SHBG: variants seen among roughly 807,000 people sequenced by gnomAD.
The protein encoded by SHBG is sex hormone-binding globulin.
In SHBG, 37 loss-of-function variants were observed where a neutral mutation model predicts 41.9. The ratio of observed to expected loss-of-function variants is 0.88; its 90% CI spans 0.68 to 1.16. SHBG has a LOEUF of 1.16. SHBG is among the 50% of genes most tolerant of loss of function. The pLI, the probability that SHBG is intolerant of heterozygous loss-of-function variation, is 0.00. For synonymous variants in SHBG, 217 were observed against 205.8 expected (o/e 1.05, Z -0.47); for missense variants, 466 against 499.9 (o/e 0.93, Z 0.65).
intron 7 of SHBG, 55 bp downstream of exon 7, chr17:7,633,014 G>T: frequency 6.5e-7 from 1 of 1,533,512 alleles, no homozygotes. Flanking sequence ...CAGCTCAAGG[G>T]AGGCGGCACA....
chr17:7,614,203 T>G (rs2071911813), intron 1 of SHBG: 1 of 678,734 alleles, frequency 1.5e-6, no homozygotes, highest in Non-Finnish European at 2.7e-6. Context: ...CCAGGGACAA[T>G]AATGGCCTGA....
chr17:7,619,711 CAAAAAAAAA>C (rs36022075), intron 1 of SHBG, among the ~76,000 whole-genome samples: 1 of 78,010 alleles, frequency 1.3e-5, no homozygotes, highest in Admixed American at 1.4e-4. Context: ...AACTTCGTCT[CAAAAAAAAA>C]AAAAAAAAGT....
At chr17:7,626,723 C>G (rs2150962048), upstream of SHBG, 1 of 1,614,024 alleles carries the variant, frequency 6.2e-7, no homozygotes, top group South Asian at 1.1e-5. Context: ...TTCTTCAGGT[C>G]CTCACTTGTC....
Position 7,630,389 on chromosome 17 carries a change from GC to G in SHBG, c.112-26del, listed in dbSNP as rs2072362847. 1 of 1,609,372 alleles carries G rather than the reference GC, an allele frequency of 6.2e-7. No homozygotes were observed. Among genetic ancestry groups the G allele is most frequent in the African/African-American group, 1.3e-5 (1 of 74,758 alleles). ...TCTGTCTCTGACATGTCCCTACTCA[GC>G]TTTGTTTGTTTTCTCTTTCTGATAG... On this transcript the variant is annotated intron_variant, in intron 1 of 7. Transcript: ENST00000380450. This position sits in a 1 kb window ranked among gnomAD's most constrained non-coding sequence, Gnocchi z 4.6.
chr17:7,625,395 G>T (rs902542229), upstream of SHBG, among the ~76,000 whole-genome samples: 2 of 151,118 alleles, frequency 1.3e-5, no homozygotes, highest in African/African-American at 2.4e-5. Context: ...GGCTAACACG[G>T]TGAAACCCCG....
chr17:7,627,421 C>CGTG, upstream of SHBG: 1 of 1,614,052 alleles, frequency 6.2e-7, no homozygotes, highest in Non-Finnish European at 8.5e-7. The surrounding 1 kb of genome is among the most constrained non-coding windows in gnomAD (Gnocchi z 4.8). Context: ...GCTCCTAAGG[C>CGTG]GTGGGTACGG....
chr17:7,614,554 T>G, intron 1 of SHBG: 1 of 1,422,316 alleles, frequency 7.0e-7, no homozygotes, highest in African/African-American at 1.5e-5. Context: ...CGCCTCCGAC[T>G]CCCCCGGCGG....
intron 1 of SHBG, among the ~76,000 whole-genome samples, chr17:7,618,676 C>A (rs1316979956): frequency 1.3e-5 from 2 of 152,046 alleles, no homozygotes; most frequent in African/African-American, 4.8e-5. Flanking sequence ...AAATTTACCT[C>A]CCGGTACTCT....
At chr17:7,615,416 G>A (rs1283157383) in intron 1 of SHBG, among the ~76,000 whole-genome samples, 2 of 152,280 alleles carry the variant, frequency 1.3e-5, no homozygotes, top group African/African-American at 4.8e-5. Flanking sequence ...TACCCTCTTC[G>A]CGTATGCATC....
upstream of SHBG, chr17:7,627,062 G>A (rs765072351): frequency 3.7e-6 from 6 of 1,613,216 alleles, no homozygotes; most frequent in Admixed American, 1.0e-4. This position sits in a 1 kb window ranked among gnomAD's most constrained non-coding sequence, Gnocchi z 4.8. Context: ...AGAGAAAAGG[G>A]GAGTAAGGCT....
At chr17:7,626,631 C>A (rs766040675), upstream of SHBG, 3 of 1,611,664 alleles carry the variant, frequency 1.9e-6, no homozygotes, top group South Asian at 3.3e-5. Flanking sequence ...GAGAAGACAA[C>A]ACTAACTTTT....
intron 1 of SHBG, among the ~76,000 whole-genome samples, chr17:7,615,983 G>A (rs2071977902): frequency 6.6e-6 from 1 of 151,558 alleles, no homozygotes; most frequent in African/African-American, 2.4e-5. Flanking sequence ...AGCCTCAACA[G>A]GGCGAAACCC....
intron 1 of SHBG, among the ~76,000 whole-genome samples, chr17:7,616,451 C>CAAAA (rs71159512): frequency 8.9e-5 from 9 of 101,498 alleles, no homozygotes; most frequent in African/African-American, 1.4e-4. Flanking sequence ...ACTAAAAATA[C>CAAAA]AAAAAAAAAA....
chr17:7,631,774 C>T, intron 5 of SHBG, 26 bp downstream of exon 5: 1 of 1,613,562 alleles, frequency 6.2e-7, no homozygotes, highest in Middle Eastern at 1.6e-4. Context: ...GTCTATTTTT[C>T]CCACCCTGGC....
At chr17:7,622,021 A>G (rs918279171) in intron 1 of SHBG, among the ~76,000 whole-genome samples, 2 of 137,492 alleles carry the variant, frequency 1.5e-5, no homozygotes, top group African/African-American at 2.7e-5. Flanking sequence ...TTTTTTTTGT[A>G]TTTAGTAGAG....
chr17:7,622,513 T>A (rs1301607890), intron 1 of SHBG, among the ~76,000 whole-genome samples: 2 of 151,790 alleles, frequency 1.3e-5, no homozygotes, highest in Non-Finnish European at 2.9e-5. Context: ...CATCAGGTGA[T>A]CTGCCCACCT....
upstream of SHBG, chr17:7,627,302 G>A: frequency 8.7e-6 from 14 of 1,612,286 alleles, no homozygotes; most frequent in African/African-American, 1.3e-5. This position sits in a 1 kb window ranked among gnomAD's most constrained non-coding sequence, Gnocchi z 4.8. Flanking sequence ...GCTGTCGCCT[G>A]GGGAACCCAT....
At chr17:7,621,601 TAAAAA>T (rs747951932) in intron 1 of SHBG, among the ~76,000 whole-genome samples, 1 of 46,946 alleles carries the variant, frequency 2.1e-5, no homozygotes, top group African/African-American at 9.4e-5. Context: ...AGTCTCCGTC[TAAAAA>T]AAAAAAAAAA....
upstream of SHBG, chr17:7,627,237 T>A (rs2072241758): frequency 6.2e-7 from 1 of 1,614,054 alleles, no homozygotes; most frequent in Admixed American, 1.7e-5. This position sits in a 1 kb window ranked among gnomAD's most constrained non-coding sequence, Gnocchi z 4.8. Flanking sequence ...CTGCCGAGAT[T>A]GGAGTTGTGA....
Sources: gnomAD v4.1 joint callset for allele counts (sites outside exome capture counted in the v4.1 genomes callset) on GRCh38, gnomAD v4.1.1 for gene constraint, Gnocchi (gnomAD v3.1) non-coding constraint, MANE v1.5 for transcripts, NCBI Gene and HGNC (gene_info 2026-07-23, HGNC 2026-07-21) for gene names.